The following CC2D1B variants were observed in gnomAD, a reference collection of about 807,000 sequenced individuals.
CC2D1B encodes the protein coiled-coil and C2 domain-containing protein 1B.
A neutral mutation model predicts 110.8 loss-of-function variants in CC2D1B; 92 were observed. The observed-to-expected ratio is 0.83, with a 90% CI of 0.70 to 0.99. The LOEUF is 0.99. Among genes scored for constraint, CC2D1B ranks in the 50% least tolerant of loss-of-function variants. The pLI is 0.00. For missense variants in CC2D1B, 1,136 were observed against 1,089.0 expected, an observed-to-expected ratio of 1.04 and a Z score of -0.61; for synonymous variants, 406 against 429.2, an observed-to-expected ratio of 0.95 and a Z score of 0.67.
intron 5 of CC2D1B, 51 bp downstream of exon 5, chr1:52,360,922 GT>G: frequency 6.2e-7 from 1 of 1,604,264 alleles, no homozygotes; most frequent in African/African-American, 1.3e-5. Context: ...CACGTGTTAC[GT>G]CTGGGCGCAC....
chr1:52,361,251 G>A, intron 4 of CC2D1B, 119 bp from the exon 5 acceptor site: 6 of 1,308,744 alleles, frequency 4.6e-6, no homozygotes, highest in Non-Finnish European at 5.3e-6. Flanking sequence ...CACTGTGCCT[G>A]AGTCCCCTTC....
rs61733794 is a variant in CC2D1B at position 52,359,833 on chromosome 1, C to A, written c.814G>T (p.Val272Phe). 1.9e-6 allele frequency: 3 copies of A among 1,611,936 alleles called. No individual in the cohort carries two copies. The highest frequency in any genetic ancestry group is 2.5e-6 in the Non-Finnish European group (3 of 1,179,060). Residue 272 changes from valine to phenylalanine, a missense_variant, in exon 8 of 25, where the codon GTT (valine) becomes TTT (phenylalanine). Coordinates refer to ENST00000284376, the MANE Select transcript of CC2D1B (RefSeq NM_001330585.2). Reference sequence around the variant, plus strand: ...CGCGGGTCTGGGTCTAAGTCTGAAACGGGCTGGGCAGAAATGCCAGGGAGG... The same window carrying A: ...CGCGGGTCTGGGTCTAAGTCTGAAAAGGGCTGGGCAGAAATGCCAGGGAGG... ...TSLPGISAQPVSDLDPDPRAL... is the reference protein window; with the variant it reads ...TSLPGISAQPFSDLDPDPRAL...
At chr1:52,358,210 C>T in intron 13 of CC2D1B, 121 bp downstream of exon 13, 1 of 1,398,918 alleles carries the variant, frequency 7.1e-7, no homozygotes, top group East Asian at 2.4e-5. Context: ...AGTTTTTTCT[C>T]TGTACAGTGG....
At position 52,351,531 on chromosome 1, in the gene CC2D1B, C is replaced by T. The variant is rs1646530369; in HGVS notation, c.*1694G>A. The stretch of plus-strand genomic sequence containing the variant: ...TTCTAGATTATTGCTGTGTTGCATA[C>T]ACGTGACTGCAATTAAGTGTTAAAT... On this transcript the variant is annotated 3_prime_UTR_variant, in exon 25 of 25. Transcript: ENST00000284376. 6.6e-6 allele frequency: 1 copy of T among 152,110 alleles called. No homozygotes were observed. Among genetic ancestry groups the T allele is most frequent in the East Asian group, 1.9e-4 (1 of 5,190 alleles). The allele number at this position is 152,110 out of a possible 1,614,324, so 9.4% of individuals were successfully genotyped here.
In CC2D1B at chr1:52,353,619, C is replaced by A; in HGVS notation, c.2459G>T (p.Gly820Val). ...CAGCCTCACCTTCACCTCCAGCTTC[C>A]CCCCGGTGGGCTTCCTTCCATCCAG... ...EVLDGRKPTG[G>V]KLEVKVRLRE... is the part of the protein sequence containing the mutation. Residue 820 changes from glycine (G) to valine (V), a missense_variant, in exon 24 of 25, where the codon GGG (glycine) becomes GTG (valine). By Grantham distance (109) the Gly-to-Val change is moderately radical. Coordinates refer to ENST00000284376, the MANE Select transcript of CC2D1B (RefSeq NM_001330585.2). 6.2e-7 allele frequency: 1 copy of A among 1,609,770 alleles called. No individual in the cohort carries two copies. Among genetic ancestry groups the A allele is most frequent in the South Asian group, 1.1e-5 (1 of 90,468 alleles).
At position 52,358,766 on chromosome 1, in the gene CC2D1B, G is replaced by C. The variant is rs1354039925; in HGVS notation, c.1258-8C>G. On this transcript the variant is annotated splice_region_variant and splice_polypyrimidine_tract_variant and intron_variant, in intron 11 of 24. Transcript: ENST00000284376. ...AATAGCATCTTGATATTGCTGCAAGGGAAGGAAGGGAGGGGCCTGTGGTCG... is the reference window on the plus strand; with the variant it reads ...AATAGCATCTTGATATTGCTGCAAGCGAAGGAAGGGAGGGGCCTGTGGTCG... The C allele has an allele frequency of 1.2e-6, 2 of 1,606,600 alleles. No individual in the cohort carries two copies. Among genetic ancestry groups the C allele is most frequent in the African/African-American group, 2.7e-5 (2 of 74,356 alleles).
chr1:52,355,732 G>C (rs1486837505), intron 19 of CC2D1B, 39 bp downstream of exon 19: 1 of 1,613,690 alleles, frequency 6.2e-7, no homozygotes, highest in Admixed American at 1.7e-5. Context: ...GGAGTGTCCG[G>C]GCAAGAGCCT....
intron 1 of CC2D1B, among the ~76,000 whole-genome samples, chr1:52,365,249 A>G (rs1489411823): frequency 1.3e-5 from 2 of 152,370 alleles, no homozygotes; most frequent in Admixed American, 6.5e-5. Context: ...GAGCGCAGAA[A>G]TGAACCTAAG....
chr1:52,361,610 AG>A lies in CC2D1B; in HGVS notation c.220del (p.Leu74CysfsTer33). On this transcript the variant is annotated frameshift_variant, in exon 4 of 25. Transcript: ENST00000284376. LOFTEE classifies it high-confidence loss of function. Reference protein sequence around the residue: ...KKPAPKGQAPLPMAHIEKLAA... With the variant: ...KKPAPKGQAPXPMAHIEKLAA... The stretch of plus-strand genomic sequence containing the variant: ...CAACTTCTCGATGTGGGCCATGGGC[AG>A]GGGGGCTGGGGGAAAAAGGTCACAA... The A allele has an allele frequency of 1.9e-6, 3 of 1,613,726 alleles. No individual in the cohort carries two copies. The highest frequency in any genetic ancestry group is 2.5e-6 in the Non-Finnish European group (3 of 1,179,994).
At position 52,353,592 on chromosome 1, in the gene CC2D1B, C is replaced by T. The variant is rs765925293; in HGVS notation, c.2486G>A (p.Arg829Gln). 1.9e-5 allele frequency: 30 copies of T among 1,613,296 alleles called. No homozygotes were observed. The highest frequency in any genetic ancestry group is 6.7e-5 in the East Asian group (3 of 44,840). Residue 829 changes from arginine (R) to glutamine (Q), a missense_variant, in exon 24 of 25, where the codon CGG becomes CAG. Arg to Gln is a conservative substitution (Grantham distance 43, BLOSUM62 1). Transcript: ENST00000284376. ...CACATCCTGGCCACTCAGAGGCTCC[C>T]GCAGCCTCACCTTCACCTCCAGCTT... ...GGKLEVKVRLREPLSGQDVQM... is the reference protein window; with the variant it reads ...GGKLEVKVRLQEPLSGQDVQM...
At chr1:52,359,184 C>T (rs1442438563) in intron 10 of CC2D1B, 27 bp from the exon 11 acceptor site, 3 of 1,609,682 alleles carry the variant, frequency 1.9e-6, no homozygotes, top group Admixed American at 3.3e-5. Context: ...AAGAAGTGGG[C>T]ATCAGGTCAG....
At chr1:52,364,406 G>A (rs752344730) in intron 2 of CC2D1B, 146 bp downstream of exon 2, 29 of 494,564 alleles carry the variant, frequency 5.9e-5, no homozygotes, top group Admixed American at 2.9e-4. Flanking sequence ...TAGTAGGAGG[G>A]TGTCTAAGGG....
At chr1:52,360,946 G>A in intron 5 of CC2D1B, 28 bp downstream of exon 5, 1 of 1,612,728 alleles carries the variant, frequency 6.2e-7, no homozygotes, top group Non-Finnish European at 8.5e-7. Context: ...GAGCATCAGA[G>A]GCACAGGGGC....
At chr1:52,354,455 C>G (rs1404892868) in intron 23 of CC2D1B, 153 bp downstream of exon 23, 2 of 761,340 alleles carry the variant, frequency 2.6e-6, no homozygotes, top group East Asian at 5.1e-5. Context: ...ACCTCTCCAT[C>G]TGTGAAATGA....
Position 52,359,450 on chromosome 1 carries a change from C to A in CC2D1B, c.1018+9G>T. Reference sequence around the variant, plus strand: ...AACCCCACCGCAGCCTGAGAAGATACATACTGACCCTCAGGTGCCGGGGGC... The same window carrying A: ...AACCCCACCGCAGCCTGAGAAGATAAATACTGACCCTCAGGTGCCGGGGGC... On this transcript the variant is annotated intron_variant, in intron 9 of 24. Coordinates refer to ENST00000284376, the MANE Select transcript of CC2D1B (RefSeq NM_001330585.2). 1 of 1,614,078 alleles carries A rather than the reference C, an allele frequency of 6.2e-7. No individual in the cohort carries two copies. Among genetic ancestry groups the A allele is most frequent in the Non-Finnish European group, 8.5e-7 (1 of 1,179,968 alleles).
In CC2D1B at chr1:52,358,328, AAC is replaced by A. The variant is rs1168333543; in HGVS notation, c.1461+1_1461+2del. On this transcript the variant is annotated splice_donor_variant, in intron 13 of 24. Coordinates refer to ENST00000284376, the MANE Select transcript of CC2D1B (RefSeq NM_001330585.2). LOFTEE classifies it high-confidence loss of function. ...AGCCCTGGAGTTGAGCCCTCAACCAAACCTCGTCCTCGTCTTTATCAGCCGGG... is the reference window on the plus strand; with the variant it reads ...AGCCCTGGAGTTGAGCCCTCAACCAACTCGTCCTCGTCTTTATCAGCCGGG... 6.2e-7 allele frequency: 1 copy of A among 1,612,970 alleles called. No homozygotes were observed. Among genetic ancestry groups the A allele is most frequent in the Non-Finnish European group, 8.5e-7 (1 of 1,179,428 alleles).
At chr1:52,356,742 T>C (rs560397181) in intron 16 of CC2D1B, 28 of 597,392 alleles carry the variant, frequency 4.7e-5, no homozygotes, top group African/African-American at 3.5e-4. Context: ...GATAGATAAA[T>C]ACATAAACAT....
intron 23 of CC2D1B, 167 bp downstream of exon 23, chr1:52,354,441 C>G: frequency 1.4e-6 from 1 of 733,028 alleles, no homozygotes; most frequent in Non-Finnish European, 2.5e-6. Flanking sequence ...CTCAGACCTT[C>G]TGAACCTCTC....
chr1:52,354,521 C>G (rs546741428), intron 23 of CC2D1B, 87 bp downstream of exon 23: 230 of 1,118,998 alleles, frequency 2.1e-4, no homozygotes, highest in East Asian at 2.6e-4. Context: ...GTAATGAGCA[C>G]GAAAACCTAC....
Sources: gnomAD v4.1 joint callset for allele counts (sites outside exome capture counted in the v4.1 genomes callset) on GRCh38, gnomAD v4.1.1 for gene constraint, MANE v1.5 for transcripts, NCBI Gene and HGNC (gene_info 2026-07-23, HGNC 2026-07-21) for gene names.